Variants in MND1 observed in about 807,000 individuals in gnomAD.
MND1 encodes meiotic nuclear division protein 1 homolog.
MND1 carries 28 observed loss-of-function variants against 35.1 expected under a neutral mutation model. The ratio of observed to expected loss-of-function variants is 0.80; its 90% CI spans 0.59 to 1.09. MND1 has a LOEUF of 1.09. Ranked by LOEUF, MND1 falls within the 50% of genes least tolerant of loss-of-function variation. The pLI, the probability that MND1 is intolerant of heterozygous loss-of-function variation, is 0.00. For missense variants in MND1, 213 were observed against 239.6 expected, an observed-to-expected ratio of 0.89 and a Z score of 0.73; for synonymous variants, 69 against 70.5, an observed-to-expected ratio of 0.98 and a Z score of 0.11.
chr4:153,373,805 A>G (rs1230865857), intron 4 of MND1, among the ~76,000 whole-genome samples: 1 of 152,170 alleles, frequency 6.6e-6, no homozygotes, highest in African/African-American at 2.4e-5. Flanking sequence ...GGCATTTGCT[A>G]TAGATAACTA....
chr4:153,345,381 C>G (rs1773049546), intron 1 of MND1: 2 of 985,480 alleles, frequency 2.0e-6, no homozygotes, highest in Non-Finnish European at 2.4e-6. Flanking sequence ...GCCCCGGTTT[C>G]TGCCAAAGGG....
chr4:153,361,367 C>G, intron 4 of MND1: 2 of 428,894 alleles, frequency 4.7e-6, no homozygotes, highest in Non-Finnish European at 4.6e-6. Flanking sequence ...AGATGTTTTG[C>G]TATCATTCTG....
At chr4:153,410,619 A>T (rs1729655249) in intron 7 of MND1, among the ~76,000 whole-genome samples, 1 of 151,984 alleles carries the variant, frequency 6.6e-6, no homozygotes, top group South Asian at 2.1e-4. Context: ...AGTCTTACTT[A>T]TCATATAGCT....
intron 6 of MND1, among the ~76,000 whole-genome samples, chr4:153,404,158 A>C (rs1394302862): frequency 6.6e-6 from 1 of 151,374 alleles, no homozygotes; most frequent in African/African-American, 2.4e-5. Flanking sequence ...GAGAAAATCA[A>C]AACCAAAAAT....
At chr4:153,403,167 T>C (rs1043937977) in intron 6 of MND1, among the ~76,000 whole-genome samples, 2 of 152,082 alleles carry the variant, frequency 1.3e-5, no homozygotes, top group Non-Finnish European at 2.9e-5. Flanking sequence ...GATATGTTCA[T>C]GAGAGCCTTG....
chr4:153,411,244 G>T (rs552800354), intron 7 of MND1, among the ~76,000 whole-genome samples: 1 of 152,150 alleles, frequency 6.6e-6, no homozygotes, highest in Non-Finnish European at 1.5e-5. Flanking sequence ...AGAGGGACAG[G>T]TGTTATGAGG....
intron 4 of MND1, among the ~76,000 whole-genome samples, chr4:153,393,932 T>TTTC (rs1363910327): frequency 2.2e-4 from 30 of 134,786 alleles, no homozygotes; most frequent in African/African-American, 8.3e-4. Context: ...TTCTTTTTTT[T>TTTC]TTTTTTTTTT....
intron 4 of MND1, among the ~76,000 whole-genome samples, chr4:153,378,438 A>G (rs1728571100): frequency 6.6e-6 from 1 of 152,210 alleles, no homozygotes. Context: ...AGTGTTACAT[A>G]AAAGGGGGTT....
intron 2 of MND1, among the ~76,000 whole-genome samples, chr4:153,353,039 T>C (rs191299553): frequency 6.6e-6 from 1 of 152,206 alleles, no homozygotes; most frequent in East Asian, 1.9e-4. Context: ...TAGGCAGATA[T>C]CTCAGTGGTT....
At chr4:153,351,425 T>G (rs989126478) in intron 2 of MND1, among the ~76,000 whole-genome samples, 2 of 152,232 alleles carry the variant, frequency 1.3e-5, no homozygotes, top group Non-Finnish European at 2.9e-5. Context: ...TTTCTTTTTT[T>G]CATTATAGCC....
chr4:153,414,837 G>C lies in MND1; in HGVS notation c.598G>C (p.Asp200His). ...KIDRTFGIPE[D>H]FDYID ...TGATAGAACTTTTGGAATTCCAGAA[G>C]ACTTTGACTACATAGACTAAAATAT... Residue 200 changes from aspartate (D) to histidine (H), a missense_variant, in exon 8 of 8, where the codon GAC becomes CAC. Transcript: ENST00000240488. The C allele has an allele frequency of 6.6e-7, 1 of 1,517,176 alleles. No individual in the cohort carries two copies. Among genetic ancestry groups the C allele is most frequent in the Non-Finnish European group, 9.0e-7 (1 of 1,113,670 alleles). 94.0% of individuals were successfully genotyped at this position (1,517,176 alleles called of 1,614,324 possible).
At chr4:153,368,176 T>G (rs1351414609) in intron 4 of MND1, among the ~76,000 whole-genome samples, 1 of 152,216 alleles carries the variant, frequency 6.6e-6, no homozygotes, top group African/African-American at 2.4e-5. Flanking sequence ...TTCATGTTTT[T>G]TTGTTCTTGC....
chr4:153,377,958 A>G (rs1203380500), intron 4 of MND1, among the ~76,000 whole-genome samples: 2 of 152,002 alleles, frequency 1.3e-5, no homozygotes, highest in Admixed American at 6.6e-5. Flanking sequence ...TCTTTTATAT[A>G]TATCTTTTCT....
chr4:153,384,149 A>G (rs934449846), intron 4 of MND1, among the ~76,000 whole-genome samples: 1 of 151,580 alleles, frequency 6.6e-6, no homozygotes, highest in Admixed American at 6.6e-5. Context: ...TGGATCTTTC[A>G]TATCTCTTAA....
intron 6 of MND1, among the ~76,000 whole-genome samples, chr4:153,401,733 A>G (rs932323434): frequency 5.9e-5 from 9 of 152,188 alleles, no homozygotes; most frequent in African/African-American, 2.2e-4. Flanking sequence ...GCTTATCTCT[A>G]AGTCTGTCAT....
At chr4:153,406,284 G>T (rs1729507482) in intron 6 of MND1, among the ~76,000 whole-genome samples, 1 of 152,172 alleles carries the variant, frequency 6.6e-6, no homozygotes, top group South Asian at 2.1e-4. Flanking sequence ...CACTTTGGGA[G>T]GCCAAGGCAG....
Position 153,394,336 on chromosome 4 carries a change from G to A in MND1, c.351G>A (p.Thr117=), listed in dbSNP as rs369254916. ...AAGCTAAAATTGGCCGATGTGAAAC[G>A]GTAAGTTTGTGTCTATAGATTATTT... ...IEKAKIGRCE[T]EERTRLAKEL... Residue 117 remains threonine (T), a splice_region_variant and synonymous_variant, in exon 5 of 8, where the codon ACG becomes ACA. Transcript: ENST00000240488. 2.1e-5 allele frequency: 34 copies of A among 1,609,692 alleles called. No individual in the cohort carries two copies. Among genetic ancestry groups the A allele is most frequent in the Admixed American group, 5.0e-5 (3 of 59,764 alleles).
intron 3 of MND1, among the ~76,000 whole-genome samples, chr4:153,356,572 A>ATAG (rs1184230945): frequency 6.7e-6 from 1 of 150,216 alleles, no homozygotes; most frequent in Non-Finnish European, 1.5e-5. Flanking sequence ...AAAAAAAAAA[A>ATAG]AAAAGATATG....
rs74743742 is a variant in MND1 at position 153,364,083 on chromosome 4, A to T, written c.276+5461A>T. On this transcript the variant is annotated intron_variant, in intron 4 of 7. Coordinates refer to ENST00000240488, the MANE Select transcript of MND1 (RefSeq NM_032117.4). The stretch of plus-strand genomic sequence containing the variant: ...ATTTATTACAAAATAATAATAATAA[A>T]TTTTTTTCAAAAGAGAATAATAAGT... 9.0e-3 allele frequency among the ~76,000 whole-genome samples: 1,367 copies of T among 152,016 alleles called. 54 individuals are homozygous for T. The East Asian group carries it at 0.11, about 12-fold the overall frequency.
Sources: gnomAD v4.1 joint callset for allele counts (sites outside exome capture counted in the v4.1 genomes callset) on GRCh38, gnomAD v4.1.1 for gene constraint, MANE v1.5 for transcripts, NCBI Gene and HGNC (gene_info 2026-07-23, HGNC 2026-07-21) for gene names.